RIT2: variants seen among roughly 807,000 people sequenced by gnomAD.
RIT2 encodes GTP-binding protein Rit2.
Under a neutral mutation model 23.7 loss-of-function variants are expected in RIT2, and 24 were observed. The observed-to-expected ratio is 1.01, with a 90% CI of 0.73 to 1.43. The LOEUF is 1.43. Ranked by LOEUF, RIT2 falls within the 40% of genes most tolerant of loss-of-function variation. RIT2 has a pLI of 0.00. For missense variants in RIT2, 236 were observed against 266.9 expected (o/e 0.88, Z 0.81); for synonymous variants, 107 against 91.1 (o/e 1.17, Z -0.99).
chr18:42,854,132 C>T (rs1008196006), intron 4 of RIT2, among the ~76,000 whole-genome samples: 1 of 152,170 alleles, frequency 6.6e-6, no homozygotes, highest in East Asian at 1.9e-4. Context: ...TCCTTGAGGA[C>T]AAGGACCATG....
chr18:42,912,759 TGAA>T (rs2144120755), intron 4 of RIT2, among the ~76,000 whole-genome samples: 1 of 152,042 alleles, frequency 6.6e-6, no homozygotes, highest in East Asian at 1.9e-4. Flanking sequence ...AAAATGTTGA[TGAA>T]GAAATCAAAG....
At chr18:42,806,177 A>G (rs1382057462) in intron 4 of RIT2, among the ~76,000 whole-genome samples, 1 of 150,168 alleles carries the variant, frequency 6.7e-6, no homozygotes, top group Non-Finnish European at 1.5e-5. Context: ...GGCTTTTTAA[A>G]GTTTATTTTG....
chr18:42,744,377 G>T (rs925692591), intron 4 of RIT2, among the ~76,000 whole-genome samples: 1 of 152,094 alleles, frequency 6.6e-6, no homozygotes, highest in Non-Finnish European at 1.5e-5. Context: ...TAGAATTTTA[G>T]AATTTGAAGG....
At chr18:42,992,818 G>A (rs1468823822) in intron 2 of RIT2, among the ~76,000 whole-genome samples, 1 of 152,140 alleles carries the variant, frequency 6.6e-6, no homozygotes, top group Non-Finnish European at 1.5e-5. Context: ...CCCAGTTCAT[G>A]GCTCGTTTGG....
In RIT2 at chr18:43,013,385, C is replaced by A. The variant is rs189157188; in HGVS notation, c.160+20426G>T. ...AATTTTCACTTTCCTAGTGATATTA[C>A]AATGTCCAGGAATCGTGACTGAGAA... is the stretch of plus-strand genomic sequence containing the variant. On this transcript the variant is annotated intron_variant, in intron 2 of 4. Coordinates refer to ENST00000326695, the MANE Select transcript of RIT2 (RefSeq NM_002930.4). Among the ~76,000 whole-genome samples, 44 of 151,888 alleles carry A rather than the reference C, an allele frequency of 2.9e-4. 1 individual carries two copies. The highest frequency in any genetic ancestry group is 2.5e-3 in the Admixed American group (38 of 15,202).
chr18:42,936,830 G>C (rs1909471225), intron 3 of RIT2, among the ~76,000 whole-genome samples: 1 of 151,958 alleles, frequency 6.6e-6, no homozygotes, highest in South Asian at 2.1e-4. Flanking sequence ...TGACCACCAT[G>C]GTAAAACCCC....
At chr18:42,796,148 C>T (rs565728531) in intron 4 of RIT2, among the ~76,000 whole-genome samples, 41 of 152,254 alleles carry the variant, frequency 2.7e-4, no homozygotes, top group African/African-American at 9.4e-4. Context: ...CTCTTTGGGT[C>T]CACACTGCTT....
At chr18:43,056,770 C>A (rs1431668319) in intron 1 of RIT2, among the ~76,000 whole-genome samples, 3 of 152,072 alleles carry the variant, frequency 2.0e-5, no homozygotes, top group African/African-American at 7.2e-5. Flanking sequence ...TAGTAAGGTC[C>A]TGACAGTCAA....
At chr18:42,875,669 C>T (rs1907727012) in intron 4 of RIT2, among the ~76,000 whole-genome samples, 1 of 151,802 alleles carries the variant, frequency 6.6e-6, no homozygotes, top group African/African-American at 2.4e-5. Context: ...TTTTTATTAC[C>T]AGTACAGATA....
chr18:42,978,377 C>A (rs1229374305), intron 2 of RIT2, among the ~76,000 whole-genome samples: 2 of 151,794 alleles, frequency 1.3e-5, no homozygotes, highest in East Asian at 3.9e-4. Flanking sequence ...AGGTCACCTG[C>A]CTGGCCTCCA....
At chr18:42,965,161 T>C (rs937168927) in intron 3 of RIT2, among the ~76,000 whole-genome samples, 4 of 152,224 alleles carry the variant, frequency 2.6e-5, no homozygotes, top group African/African-American at 9.6e-5. Flanking sequence ...TGTCCAATAC[T>C]GAATAGTTCA....
chr18:42,946,726 T>C (rs1341892691), intron 3 of RIT2, among the ~76,000 whole-genome samples: 1 of 151,944 alleles, frequency 6.6e-6, no homozygotes, highest in African/African-American at 2.4e-5. Flanking sequence ...ATCTCAAAAA[T>C]AATATCATTT....
At chr18:43,070,788 A>G (rs1400337220) in intron 1 of RIT2, among the ~76,000 whole-genome samples, 2 of 152,232 alleles carry the variant, frequency 1.3e-5, no homozygotes, top group African/African-American at 4.8e-5. Flanking sequence ...TGTGAGAAAT[A>G]CAGCACTAAT....
intron 1 of RIT2, among the ~76,000 whole-genome samples, chr18:43,084,441 T>A (rs1913234153): frequency 6.6e-6 from 1 of 152,218 alleles, no homozygotes; most frequent in Non-Finnish European, 1.5e-5. Context: ...TACACGTATG[T>A]TTATTGCAGC....
intron 1 of RIT2, among the ~76,000 whole-genome samples, chr18:43,096,855 A>T (rs984343508): frequency 6.6e-6 from 1 of 151,874 alleles, no homozygotes; most frequent in Non-Finnish European, 1.5e-5. Context: ...TTTATGCCAC[A>T]GTTTCTTGAA....
chr18:42,860,261 T>G (rs2144048362), intron 4 of RIT2, among the ~76,000 whole-genome samples: 1 of 152,302 alleles, frequency 6.6e-6, no homozygotes, highest in East Asian at 1.9e-4. Flanking sequence ...GCTACAGTTT[T>G]TAACAGATAC....
chr18:42,830,857 C>T (rs543039271), intron 4 of RIT2, among the ~76,000 whole-genome samples: 3 of 152,240 alleles, frequency 2.0e-5, no homozygotes, highest in South Asian at 2.1e-4. Context: ...TGAATCAAGG[C>T]TGATCAAGGT....
At chr18:42,772,525 A>G (rs958971248) in intron 4 of RIT2, among the ~76,000 whole-genome samples, 1 of 151,920 alleles carries the variant, frequency 6.6e-6, no homozygotes, top group Non-Finnish European at 1.5e-5. Context: ...ACATTGTGAC[A>G]TAATAAAAAA....
In RIT2 at chr18:43,115,304, T is replaced by C. The variant is rs1258336159; in HGVS notation, c.103+113A>G. On this transcript the variant is annotated intron_variant, in intron 1 of 4. Coordinates refer to ENST00000326695, the MANE Select transcript of RIT2 (RefSeq NM_002930.4). Reference sequence around the variant, plus strand: ...CATCCTGCCAGACCCATACTCTGTGTTTAACTGCCACAGTTCACCTCTAAC... The same window carrying C: ...CATCCTGCCAGACCCATACTCTGTGCTTAACTGCCACAGTTCACCTCTAAC... The C allele has an allele frequency of 2.9e-6, 4 of 1,368,400 alleles. No individual in the cohort carries two copies. In the African/African-American group the frequency reaches 4.4e-5, roughly 15 times the overall value. 84.8% of individuals were successfully genotyped at this position (1,368,400 alleles called of 1,614,324 possible). A position where few individuals can be genotyped will look rare whatever the true frequency, so the allele number is the denominator to read the frequency against.
Sources: allele counts gnomAD v4.1 joint callset (sites outside exome capture counted in the v4.1 genomes callset), GRCh38; gene constraint gnomAD v4.1.1; transcripts MANE v1.5; gene names NCBI Gene and HGNC (gene_info 2026-07-23, HGNC 2026-07-21).